KLF12: variants seen among roughly 807,000 people sequenced by gnomAD.
The protein encoded by KLF12 is Krueppel-like factor 12.
KLF12 carries 9 observed loss-of-function variants against 37.8 expected under a neutral mutation model. The observed-to-expected ratio is 0.24, with a 90% CI of 0.14 to 0.42. The LOEUF is 0.42. Among genes scored for constraint, KLF12 ranks in the 10% least tolerant of loss-of-function variants. KLF12 has a pLI of 1.00. For synonymous variants in KLF12, 208 were observed against 202.1 expected (o/e 1.03, Z -0.25); for missense variants, 411 against 516.0 (o/e 0.80, Z 1.97).
In KLF12 at chr13:73,694,664, A is replaced by G. The variant is rs574716366; in HGVS notation, c.*826T>C. The G allele has an allele frequency of 9.1e-4, 139 of 152,818 alleles. 1 individual carries two copies. The highest frequency in any genetic ancestry group is 3.2e-3 in the African/African-American group (131 of 41,578). The allele number at this position is 152,818 out of a possible 1,614,324, so 9.5% of individuals were successfully genotyped here. A position where few individuals can be genotyped will look rare whatever the true frequency, so the allele number is the denominator to read the frequency against. On this transcript the variant is annotated 3_prime_UTR_variant, in exon 8 of 8. Transcript: ENST00000377669. ...CAGGAAGAGATGATGCCTAGGTGAC[A>G]GAACACTGCAATTTGAAGTGGGGCA...
At chr13:73,992,774 T>C (rs1275003248) in intron 2 of KLF12, among the ~76,000 whole-genome samples, 1 of 152,216 alleles carries the variant, frequency 6.6e-6, no homozygotes, top group Non-Finnish European at 1.5e-5. Context: ...GTATTTGAAA[T>C]GTAAAAAAAG....
the KLF12 span, among the ~76,000 whole-genome samples, chr13:74,244,673 A>G: frequency 6.6e-6 from 1 of 152,224 alleles, no homozygotes; most frequent in African/African-American, 2.4e-5. Flanking sequence ...GAAGTGGGCC[A>G]TCACAAATGA....
chr13:73,980,677 C>T (rs893790180), intron 2 of KLF12, among the ~76,000 whole-genome samples: 1 of 152,062 alleles, frequency 6.6e-6, no homozygotes, highest in African/African-American at 2.4e-5. Context: ...GGTCAAAAGA[C>T]AAAAATGATT....
chr13:73,825,892 C>T (rs188194322), intron 4 of KLF12, among the ~76,000 whole-genome samples: 1 of 152,266 alleles, frequency 6.6e-6, no homozygotes, highest in Admixed American at 6.5e-5. Context: ...AACCCATCTG[C>T]TAATAAGAGA....
intron 4 of KLF12, among the ~76,000 whole-genome samples, chr13:73,829,155 C>T (rs1170849318): frequency 2.6e-5 from 4 of 152,100 alleles, no homozygotes; most frequent in South Asian, 4.2e-4. Flanking sequence ...GGGTACTGTA[C>T]GTTGTGCATG....
chr13:73,733,241 T>C (rs1877204219), intron 6 of KLF12, among the ~76,000 whole-genome samples: 1 of 152,114 alleles, frequency 6.6e-6, no homozygotes, highest in Non-Finnish European at 1.5e-5. Flanking sequence ...CCATCACCAA[T>C]ATTTACATGT....
At chr13:73,765,553 T>G (rs189313965) in intron 5 of KLF12, among the ~76,000 whole-genome samples, 2 of 152,330 alleles carry the variant, frequency 1.3e-5, no homozygotes, top group Admixed American at 1.3e-4. Flanking sequence ...AGTGATGTGC[T>G]ACACTGGACT....
the KLF12 span, among the ~76,000 whole-genome samples, chr13:74,287,239 A>G: frequency 1.3e-5 from 2 of 152,128 alleles, no homozygotes; most frequent in Admixed American, 1.3e-4. Context: ...TTGCTCATGC[A>G]GGTGACCTCT....
intron 1 of KLF12, among the ~76,000 whole-genome samples, chr13:74,078,876 CCT>C (rs1301630611): frequency 6.6e-6 from 1 of 152,086 alleles, no homozygotes; most frequent in East Asian, 1.9e-4. Context: ...GAAATGAGTT[CCT>C]AGAGATTGTA....
At chr13:73,887,794 G>C (rs1433983842) in intron 3 of KLF12, among the ~76,000 whole-genome samples, 1 of 151,920 alleles carries the variant, frequency 6.6e-6, no homozygotes, top group Admixed American at 6.6e-5. Flanking sequence ...TCCAGAATAA[G>C]CATTTGTCTG....
the KLF12 span, among the ~76,000 whole-genome samples, chr13:74,200,197 G>A: frequency 6.6e-5 from 10 of 151,856 alleles, no homozygotes; most frequent in South Asian, 4.1e-4. Flanking sequence ...CTCAGGGGGG[G>A]GGTTTCCTGA....
At chr13:74,078,736 A>G (rs9600222) in intron 1 of KLF12, among the ~76,000 whole-genome samples, 15,741 of 152,252 alleles carry the variant, frequency 0.1, 1,029 homozygotes, top group Middle Eastern at 0.16. Flanking sequence ...CTGATTAATG[A>G]TACCAAATAA....
intron 1 of KLF12, among the ~76,000 whole-genome samples, chr13:74,000,712 G>A (rs907178748): frequency 3.3e-5 from 5 of 152,142 alleles, no homozygotes; most frequent in Non-Finnish European, 5.9e-5. Context: ...AGAAGGTAAA[G>A]CAAAAGCACA....
At chr13:73,928,050 G>T (rs1314913903) in intron 3 of KLF12, among the ~76,000 whole-genome samples, 2 of 152,024 alleles carry the variant, frequency 1.3e-5, no homozygotes, top group African/African-American at 4.8e-5. Flanking sequence ...TAGAGACGGG[G>T]TTCCCCCATG....
chr13:74,176,771 C>A, the KLF12 span, among the ~76,000 whole-genome samples: 3 of 152,128 alleles, frequency 2.0e-5, no homozygotes, highest in Admixed American at 2.0e-4. Flanking sequence ...ATACCGTCAA[C>A]TTTCTTGCCT....
chr13:74,197,882 A>G, the KLF12 span, among the ~76,000 whole-genome samples: 1 of 152,154 alleles, frequency 6.6e-6, no homozygotes, highest in Non-Finnish European at 1.5e-5. Flanking sequence ...GGTGGATACC[A>G]TCTGGAACAA....
At chr13:73,898,758 G>C (rs2139069291) in intron 3 of KLF12, among the ~76,000 whole-genome samples, 1 of 152,188 alleles carries the variant, frequency 6.6e-6, no homozygotes, top group East Asian at 1.9e-4. Context: ...TCCTTGACTG[G>C]ACACACATTT....
intron 6 of KLF12, among the ~76,000 whole-genome samples, chr13:73,730,252 G>A (rs368238568): frequency 6.6e-6 from 1 of 152,136 alleles, no homozygotes. Flanking sequence ...TTGCTGGGGA[G>A]CTCTCAGCTC....
the KLF12 span, among the ~76,000 whole-genome samples, chr13:74,159,115 C>T: frequency 6.6e-6 from 1 of 152,144 alleles, no homozygotes; most frequent in Middle Eastern, 3.2e-3. Flanking sequence ...ACCCAGATAT[C>T]CTGAATCATA....
Sources: allele counts gnomAD v4.1 joint callset (sites outside exome capture counted in the v4.1 genomes callset), GRCh38; gene constraint gnomAD v4.1.1; transcripts MANE v1.5; gene names NCBI Gene and HGNC (gene_info 2026-07-23, HGNC 2026-07-21).